NPM1: variants seen among roughly 807,000 people sequenced by gnomAD.
The protein encoded by NPM1 is nucleophosmin 1, also known as nucleophosmin.
A neutral mutation model predicts 44.1 loss-of-function variants in NPM1; 1 was observed. The ratio of observed to expected loss-of-function variants is 0.02; its 90% CI spans 0.01 to 0.11. The LOEUF (loss-of-function observed/expected upper bound fraction) is 0.11, where lower values mean the gene tolerates loss of function less well. Among genes scored for constraint, NPM1 ranks in the 10% least tolerant of loss-of-function variants. NPM1 has a pLI of 1.00. For synonymous variants in NPM1, 126 were observed against 111.8 expected (o/e 1.13, Z -0.80); for missense variants, 197 against 347.8 (o/e 0.57, Z 3.45).
At chr5:171,403,683 G>C (rs1335789460) in intron 8 of NPM1, among the ~76,000 whole-genome samples, 1 of 145,166 alleles carries the variant, frequency 6.9e-6, no homozygotes, top group African/African-American at 2.5e-5. Flanking sequence ...GGCCAGGCGG[G>C]GGGCTGACCC....
intron 10 of NPM1, among the ~76,000 whole-genome samples, chr5:171,409,347 C>A (rs1199273807): frequency 6.6e-6 from 1 of 152,226 alleles, no homozygotes; most frequent in East Asian, 1.9e-4. Context: ...TGCCTATAAT[C>A]CCAGCACTTT....
chr5:171,398,436 C>G (rs1344251131), intron 6 of NPM1, among the ~76,000 whole-genome samples: 1 of 152,092 alleles, frequency 6.6e-6, no homozygotes. Flanking sequence ...ATGATTTGTT[C>G]AAAAACTATT....
At chr5:171,400,097 CT>C in intron 6 of NPM1, 55 bp from the exon 7 acceptor site, 1 of 982,784 alleles carries the variant, frequency 1.0e-6, no homozygotes, top group Non-Finnish European at 1.6e-6. Context: ...GCTTTCAATT[CT>C]TGTGTCTACT....
At chr5:171,397,370 CAG>C (rs1770961473) in intron 6 of NPM1, among the ~76,000 whole-genome samples, 1 of 152,174 alleles carries the variant, frequency 6.6e-6, no homozygotes, top group Admixed American at 6.6e-5. Flanking sequence ...ACACCTAAAG[CAG>C]AGTGGCTCAC....
chr5:171,401,385 TACACAC>T (rs139498010), intron 8 of NPM1, among the ~76,000 whole-genome samples: 6 of 150,058 alleles, frequency 4.0e-5, no homozygotes, highest in African/African-American at 9.7e-5. Flanking sequence ...GTGTTGTAGG[TACACAC>T]ACACACACAA....
intron 7 of NPM1, among the ~76,000 whole-genome samples, chr5:171,400,551 G>T (rs1484854974): frequency 6.6e-6 from 1 of 151,366 alleles, no homozygotes; most frequent in Non-Finnish European, 1.5e-5. Flanking sequence ...CTGCCTCCCG[G>T]GTTGAAGCGA....
chr5:171,399,523 C>T (rs1190488335), intron 6 of NPM1, among the ~76,000 whole-genome samples: 1 of 152,200 alleles, frequency 6.6e-6, no homozygotes, highest in East Asian at 1.9e-4. Flanking sequence ...AGGTGTGAGA[C>T]ACTGTGCCAG....
chr5:171,394,980 A>G (rs1189874499), intron 6 of NPM1, among the ~76,000 whole-genome samples: 1 of 152,114 alleles, frequency 6.6e-6, no homozygotes, highest in African/African-American at 2.4e-5. Context: ...GGAGTTCAAG[A>G]CCAGCCTGGC....
chr5:171,398,615 A>G (rs1771032463), intron 6 of NPM1, among the ~76,000 whole-genome samples: 2 of 152,076 alleles, frequency 1.3e-5, no homozygotes, highest in African/African-American at 4.8e-5. Context: ...TACTAAAAAT[A>G]CAAATTTTAG....
chr5:171,405,428 CTT>C (rs888742851), intron 9 of NPM1, 25 bp downstream of exon 9: 4 of 1,038,222 alleles, frequency 3.9e-6, no homozygotes, highest in South Asian at 2.8e-5. Context: ...CTTAAAAAAA[CTT>C]TGTCTCCCCC....
intron 8 of NPM1, among the ~76,000 whole-genome samples, chr5:171,403,757 C>G (rs1263010233): frequency 2.2e-4 from 31 of 139,904 alleles, no homozygotes; most frequent in African/African-American, 8.2e-4. Context: ...ACCTCCCTCC[C>G]GGACGGGGCG....
At chr5:171,395,321 G>C (rs62383961) in intron 6 of NPM1, among the ~76,000 whole-genome samples, 4 of 151,030 alleles carry the variant, frequency 2.6e-5, no homozygotes, top group African/African-American at 4.9e-5. Context: ...TTTTTTTTCG[G>C]CAAGTCTCGC....
At chr5:171,396,821 C>T (rs1301107620) in intron 6 of NPM1, among the ~76,000 whole-genome samples, 1 of 152,102 alleles carries the variant, frequency 6.6e-6, no homozygotes, top group Non-Finnish European at 1.5e-5. Context: ...TCTCTGCTAA[C>T]ATACAGCTGG....
chr5:171,400,745 C>T (rs2113234139), intron 7 of NPM1, 94 bp from the exon 8 acceptor site: 1 of 814,824 alleles, frequency 1.2e-6, no homozygotes, highest in Non-Finnish European at 2.1e-6. Context: ...CACGCCAAGC[C>T]TGTGGTTGCT....
At chr5:171,404,243 C>A (rs1327859794) in intron 8 of NPM1, among the ~76,000 whole-genome samples, 4 of 106,574 alleles carry the variant, frequency 3.8e-5, no homozygotes, top group African/African-American at 1.5e-4. Context: ...TGACCCCCCC[C>A]CACCTCCCTC....
At chr5:171,398,076 T>G (rs186975097) in intron 6 of NPM1, among the ~76,000 whole-genome samples, 3 of 152,058 alleles carry the variant, frequency 2.0e-5, no homozygotes, top group Non-Finnish European at 4.4e-5. Flanking sequence ...CGTGAGCCAC[T>G]GCACTGGGCC....
intron 6 of NPM1, among the ~76,000 whole-genome samples, chr5:171,398,491 A>AAAGGT (rs1771027538): frequency 1.3e-5 from 2 of 152,122 alleles, no homozygotes; most frequent in Non-Finnish European, 2.9e-5. Context: ...AGAGTCACTT[A>AAAGGT]TGGCTGGGTG....
At chr5:171,399,866 T>A in intron 6 of NPM1, among the ~76,000 whole-genome samples, 1 of 152,188 alleles carries the variant, frequency 6.6e-6, no homozygotes, top group East Asian at 1.9e-4. Flanking sequence ...TTTGACTACT[T>A]TTAGATACTT....
At chr5:171,401,074 C>G (rs1771172832) in intron 8 of NPM1, 149 bp downstream of exon 8, 1 of 624,156 alleles carries the variant, frequency 1.6e-6, no homozygotes, top group Non-Finnish European at 2.9e-6. Context: ...TTGCTGCAGC[C>G]AGGCTCAGTG....
Sources: gnomAD v4.1 joint callset for allele counts (sites outside exome capture counted in the v4.1 genomes callset) on GRCh38, gnomAD v4.1.1 for gene constraint, MANE v1.5 for transcripts, NCBI Gene and HGNC (gene_info 2026-07-23, HGNC 2026-07-21) for gene names.